Variants in UNC79 observed in about 807,000 individuals in gnomAD.
UNC79 encodes the protein unc-79 subunit of NALCN channel complex.
In UNC79, 37 loss-of-function variants were observed where a neutral mutation model predicts 283.1. The ratio of observed to expected loss-of-function variants is 0.13; its 90% CI spans 0.10 to 0.17. The LOEUF (loss-of-function observed/expected upper bound fraction) is 0.17. Among genes scored for constraint, UNC79 ranks in the 10% least tolerant of loss-of-function variants. The pLI is 1.00. For synonymous variants in UNC79, 1,107 were observed against 1,200.2 expected, an observed-to-expected ratio of 0.92 and a Z score of 1.61; for missense variants, 2,272 against 3,211.1, an observed-to-expected ratio of 0.71 and a Z score of 7.07.
intron 1 of UNC79, chr14:93,466,933 C>T: frequency 1.0e-6 from 1 of 984,736 alleles, no homozygotes; most frequent in Non-Finnish European, 1.2e-6. Context: ...TCTATTGAGT[C>T]CCTCCTGAAT....
chr14:93,342,105 G>A (rs1398285330), intron 1 of UNC79, among the ~76,000 whole-genome samples: 1 of 152,218 alleles, frequency 6.6e-6, no homozygotes, highest in Non-Finnish European at 1.5e-5. Flanking sequence ...TGTGGGGGCT[G>A]CAACCCCACA....
At chr14:93,609,698 C>T (rs2066159076) in intron 26 of UNC79, among the ~76,000 whole-genome samples, 1 of 151,932 alleles carries the variant, frequency 6.6e-6, no homozygotes, top group Admixed American at 6.6e-5. Flanking sequence ...AATTTCATAC[C>T]TTTTCTAGGT....
At chr14:93,678,024 A>G (rs1362215784) in intron 41 of UNC79, among the ~76,000 whole-genome samples, 1 of 152,044 alleles carries the variant, frequency 6.6e-6, no homozygotes, top group Non-Finnish European at 1.5e-5. Context: ...TGTTCTCTGT[A>G]GAATAGTGGA....
chr14:93,701,981 A>G (rs1349612006), intron 47 of UNC79, among the ~76,000 whole-genome samples: 6 of 152,150 alleles, frequency 3.9e-5, no homozygotes, highest in Non-Finnish European at 8.8e-5. Context: ...ACTCTTCTCA[A>G]GTCCCTCACA....
At chr14:93,404,493 A>AAATATATATATATATATATATATATATAT in intron 1 of UNC79, among the ~76,000 whole-genome samples, 8 of 61,488 alleles carry the variant, frequency 1.3e-4, no homozygotes, top group African/African-American at 2.7e-4. Flanking sequence ...TTCTAAAAAA[A>AAATATATATATATATATATATATATATAT]ATATATATAT....
At chr14:93,567,843 C>T (rs189996083) in intron 14 of UNC79, among the ~76,000 whole-genome samples, 11 of 152,048 alleles carry the variant, frequency 7.2e-5, no homozygotes, top group African/African-American at 2.7e-4. Context: ...TGCTCGGGCA[C>T]AGCTTGGTTT....
chr14:93,366,175 G>A (rs375201411), intron 1 of UNC79, among the ~76,000 whole-genome samples: 1 of 152,292 alleles, frequency 6.6e-6, no homozygotes, highest in East Asian at 1.9e-4. Context: ...AGATGTGCAA[G>A]GCCTTAAGGT....
intron 41 of UNC79, 142 bp downstream of exon 44, chr14:93,673,597 T>A: frequency 3.5e-6 from 2 of 572,016 alleles, no homozygotes; most frequent in Non-Finnish European, 5.6e-6. Context: ...GACCATGATC[T>A]AACTAATAGT....
At chr14:93,606,296 G>C (rs983094307) in intron 26 of UNC79, among the ~76,000 whole-genome samples, 1 of 152,220 alleles carries the variant, frequency 6.6e-6, no homozygotes, top group African/African-American at 2.4e-5. Flanking sequence ...AAAAGAGGCA[G>C]ATAACAGCAT....
chr14:93,568,011 C>A (rs747102434), intron 14 of UNC79, among the ~76,000 whole-genome samples: 4 of 152,156 alleles, frequency 2.6e-5, no homozygotes, highest in Non-Finnish European at 5.9e-5. Flanking sequence ...TTCTGATTAG[C>A]CTTTCCAAAG....
rs568137866 is a variant in UNC79 at position 93,685,674 on chromosome 14, G to A, written c.6820-898G>A. Among the ~76,000 whole-genome samples, 9 of 152,304 alleles carry A rather than the reference G, an allele frequency of 5.9e-5. No homozygotes were observed. The East Asian group carries it at 7.7e-4, about 13-fold the overall frequency. On this transcript the variant is annotated intron_variant, in intron 42 of 48. Transcript: ENST00000555664. ...GTTCCAGATTTTCCTGAAGAAAGCCGAGGAAGGCCTTTAGCGTAGTATTCA... is the reference window on the plus strand; with the variant it reads ...GTTCCAGATTTTCCTGAAGAAAGCCAAGGAAGGCCTTTAGCGTAGTATTCA...
At chr14:93,558,569 A>G (rs1420268086) in intron 14 of UNC79, among the ~76,000 whole-genome samples, 1 of 141,564 alleles carries the variant, frequency 7.1e-6, no homozygotes, top group Non-Finnish European at 1.5e-5. Context: ...AAAAAAAAAA[A>G]TCTTGTAGAG....
At chr14:93,662,713 A>G (rs2071728915) in exon 40 of UNC79, 1 of 1,604,954 alleles carries the variant, frequency 6.2e-7, no homozygotes. Context: ...GCTTTCACTA[A>G]GGTAAGCAAG....
chr14:93,592,538 A>T (rs950059559), intron 22 of UNC79, among the ~76,000 whole-genome samples: 2 of 152,156 alleles, frequency 1.3e-5, no homozygotes, highest in Non-Finnish European at 2.9e-5. Flanking sequence ...TGAACTTTTT[A>T]AAATTGTTGC....
At chr14:93,541,164 T>A (rs2061352197) in intron 13 of UNC79, among the ~76,000 whole-genome samples, 1 of 152,200 alleles carries the variant, frequency 6.6e-6, no homozygotes, top group Non-Finnish European at 1.5e-5. Context: ...TAGTATATAT[T>A]GTCAAGTACT....
At chr14:93,669,067 A>ATAAATG (rs2072550242) in intron 40 of UNC79, among the ~76,000 whole-genome samples, 1 of 151,962 alleles carries the variant, frequency 6.6e-6, no homozygotes, top group Admixed American at 6.6e-5. Context: ...ACAATGTTAA[A>ATAAATG]TAAATGGAAA....
At chr14:93,418,033 T>G (rs1037137035) in intron 1 of UNC79, among the ~76,000 whole-genome samples, 1 of 151,950 alleles carries the variant, frequency 6.6e-6, no homozygotes, top group Non-Finnish European at 1.5e-5. Flanking sequence ...AAAGTCATTC[T>G]CTGTCCAGCT....
At position 93,601,254 on chromosome 14, in the gene UNC79, T is replaced by C. The variant is rs182471546; in HGVS notation, c.3574+484T>C. On this transcript the variant is annotated intron_variant, in intron 25 of 48. Transcript: ENST00000555664. ...GTAGTCTTTTATCCCTCACCCCCCTTCCACCCTTCCCCCCAAAGTCCCCAA... is the reference window on the plus strand; with the variant it reads ...GTAGTCTTTTATCCCTCACCCCCCTCCCACCCTTCCCCCCAAAGTCCCCAA... Among the ~76,000 whole-genome samples, 675 of 144,146 alleles carry C rather than the reference T, an allele frequency of 4.7e-3. 8 individuals are homozygous for C. The highest frequency in any genetic ancestry group is 0.016 in the African/African-American group (631 of 40,012). The allele number at this position is 144,146 out of a possible 152,430, so 94.6% of individuals were successfully genotyped here.
intron 18 of UNC79, among the ~76,000 whole-genome samples, 162 bp downstream of exon 18, chr14:93,578,225 A>G (rs2063580401): frequency 6.6e-6 from 1 of 152,246 alleles, no homozygotes; most frequent in Non-Finnish European, 1.5e-5. Context: ...AAAAAGTCTG[A>G]AAACTACTTA....
Sources: allele counts gnomAD v4.1 joint callset (sites outside exome capture counted in the v4.1 genomes callset), GRCh38; gene constraint gnomAD v4.1.1; transcripts MANE v1.5; gene names NCBI Gene and HGNC (gene_info 2026-07-23, HGNC 2026-07-21).